ZNF609: variants seen among roughly 807,000 people sequenced by gnomAD.
ZNF609 encodes zinc finger protein 609.
ZNF609 carries 11 observed loss-of-function variants against 109.5 expected under a neutral mutation model. That is an observed-to-expected ratio of 0.10 (90% CI 0.06 to 0.17). The LOEUF (loss-of-function observed/expected upper bound fraction) is 0.17, where lower values mean the gene tolerates loss of function less well. Among genes scored for constraint, ZNF609 ranks in the 10% least tolerant of loss-of-function variants. The probability of loss-of-function intolerance (pLI) is 1.00; values close to 1 mark genes in which losing one functional copy is unlikely to be tolerated. For synonymous variants in ZNF609, 646 were observed against 662.0 expected (o/e 0.98, Z 0.37); for missense variants, 1,559 against 1,772.4 (o/e 0.88, Z 2.16).
At chr15:64,540,402 T>C (rs1007731630) in intron 2 of ZNF609, among the ~76,000 whole-genome samples, 1 of 152,074 alleles carries the variant, frequency 6.6e-6, no homozygotes, top group East Asian at 1.9e-4. Flanking sequence ...TGTGTTTTGT[T>C]TTTTATTTTT....
intron 3 of ZNF609, among the ~76,000 whole-genome samples, chr15:64,667,731 A>G (rs1896670616): frequency 6.6e-6 from 1 of 152,154 alleles, no homozygotes; most frequent in Non-Finnish European, 1.5e-5. Context: ...AAGAAAAAGA[A>G]AAAGAAACAC....
intron 2 of ZNF609, among the ~76,000 whole-genome samples, chr15:64,583,785 G>T (rs1438399433): frequency 6.6e-6 from 1 of 152,108 alleles, no homozygotes; most frequent in Non-Finnish European, 1.5e-5. Context: ...ATGATCTAGA[G>T]CTCTGATTGT....
At position 64,609,062 on chromosome 15, in the gene ZNF609, ATTTT is replaced by A. The variant is rs3057836; in HGVS notation, c.748-13763_748-13760del. 5.5e-3 allele frequency among the ~76,000 whole-genome samples: 588 copies of A among 106,058 alleles called. 4 individuals carry two copies. Among genetic ancestry groups the A allele is most frequent in the Non-Finnish European group, 6.3e-3 (307 of 48,350 alleles). 69.6% of individuals were successfully genotyped at this position (106,058 alleles called of 152,430 possible). ...CTGTTACTTGCATGTTTTAGTTTTA[ATTTT>A]TCTTTCTTTCTTTCTTTCTTTCTTT... is the stretch of plus-strand genomic sequence containing the variant. On this transcript the variant is annotated intron_variant, in intron 2 of 9. Transcript: ENST00000326648.
intron 6 of ZNF609, 85 bp downstream of exon 6, chr15:64,678,567 C>A: frequency 6.6e-7 from 1 of 1,506,540 alleles, no homozygotes. Flanking sequence ...TCTTGCTCAG[C>A]CCCAAGGCAT....
intron 2 of ZNF609, among the ~76,000 whole-genome samples, chr15:64,541,565 G>C (rs1894263122): frequency 6.6e-6 from 1 of 151,984 alleles, no homozygotes; most frequent in South Asian, 2.1e-4. Flanking sequence ...ATTCCGCCGG[G>C]TGCCGTGGCT....
At chr15:64,542,215 A>G (rs1330573944) in intron 2 of ZNF609, among the ~76,000 whole-genome samples, 1 of 152,202 alleles carries the variant, frequency 6.6e-6, no homozygotes, top group East Asian at 1.9e-4. Flanking sequence ...TGTGAGAGTA[A>G]GGAAGCTTAG....
At chr15:64,605,712 G>A (rs1895582667) in intron 2 of ZNF609, among the ~76,000 whole-genome samples, 1 of 149,678 alleles carries the variant, frequency 6.7e-6, no homozygotes, top group East Asian at 1.9e-4. Context: ...TAATAGAGCT[G>A]AGATTTTTTT....
intron 2 of ZNF609, among the ~76,000 whole-genome samples, chr15:64,547,808 A>C (rs966593804): frequency 2.0e-5 from 3 of 152,206 alleles, no homozygotes; most frequent in Non-Finnish European, 4.4e-5. Flanking sequence ...GGAATACATA[A>C]TAAATATTAA....
intron 3 of ZNF609, among the ~76,000 whole-genome samples, chr15:64,665,262 A>C (rs534994024): frequency 1.3e-5 from 2 of 152,306 alleles, no homozygotes; most frequent in Non-Finnish European, 2.9e-5. Context: ...TTCTAAGAAA[A>C]TTGTGTGAAA....
chr15:64,627,663 C>CTT (rs35293725), intron 3 of ZNF609, among the ~76,000 whole-genome samples: 40,361 of 86,114 alleles, frequency 0.47, 10,684 homozygotes, highest in East Asian at 0.7. Context: ...TTTTTTCTTT[C>CTT]TTTTTTTTTT....
rs571519231 is a variant in ZNF609, at chr15:64,665,879, C to T, written c.974-4467C>T. ...CAAGATCACGCCATTGCACTCCAGTCTAGGCAACAAGAGCAAAACTCCATC... is the reference window on the plus strand; with the variant it reads ...CAAGATCACGCCATTGCACTCCAGTTTAGGCAACAAGAGCAAAACTCCATC... On this transcript the variant is annotated intron_variant, in intron 3 of 9. Coordinates refer to ENST00000326648, the MANE Select transcript of ZNF609 (RefSeq NM_015042.2). Among the ~76,000 whole-genome samples, 3 of 150,770 alleles carry T rather than the reference C, an allele frequency of 2.0e-5. No homozygotes were observed. The South Asian group carries it at 6.3e-4, about 32-fold the overall frequency.
chr15:64,653,535 A>G (rs998836609), intron 3 of ZNF609, among the ~76,000 whole-genome samples: 1 of 152,206 alleles, frequency 6.6e-6, no homozygotes. Context: ...AGTCCCAGCT[A>G]CTTGGGAGGC....
intron 3 of ZNF609, among the ~76,000 whole-genome samples, chr15:64,652,083 A>C (rs1896425309): frequency 6.6e-6 from 1 of 152,134 alleles, no homozygotes; most frequent in South Asian, 2.1e-4. Flanking sequence ...TCTGTCACCC[A>C]AGCTGGAGTG....
chr15:64,469,111 A>G (rs1286224612), intron 1 of ZNF609, among the ~76,000 whole-genome samples: 3 of 150,890 alleles, frequency 2.0e-5, no homozygotes, highest in African/African-American at 7.3e-5. Context: ...TAAAAGTACA[A>G]AATTAGCCGT....
At chr15:64,581,448 C>T (rs183455848) in intron 2 of ZNF609, among the ~76,000 whole-genome samples, 1 of 152,156 alleles carries the variant, frequency 6.6e-6, no homozygotes, top group East Asian at 1.9e-4. Flanking sequence ...CAGGCAGCCA[C>T]AAAGTTAAGC....
chr15:64,665,973 G>A (rs1308572905), intron 3 of ZNF609, among the ~76,000 whole-genome samples: 1 of 151,654 alleles, frequency 6.6e-6, no homozygotes, highest in Non-Finnish European at 1.5e-5. Flanking sequence ...TACTCAGGAG[G>A]CTGAGGCAGG....
chr15:64,529,512 A>G lies in ZNF609; in HGVS notation c.747+29346A>G, dbSNP rs1302891661. 2.6e-5 allele frequency: 30 copies of G among 1,141,490 alleles called. No individual in the cohort carries two copies. In the South Asian group the frequency reaches 2.9e-4, roughly 11 times the overall value. The allele number at this position is 1,141,490 out of a possible 1,614,324, so 70.7% of individuals were successfully genotyped here. ...CCTTGACGGTGCCATGGAATTTGCCATGTGTAGAATCATACAGGAACATGT... is the reference window on the plus strand; with the variant it reads ...CCTTGACGGTGCCATGGAATTTGCCGTGTGTAGAATCATACAGGAACATGT... On this transcript the variant is annotated intron_variant, in intron 2 of 9. Transcript: ENST00000326648.
intron 2 of ZNF609, among the ~76,000 whole-genome samples, chr15:64,510,759 T>C (rs187438395): frequency 6.6e-6 from 1 of 152,282 alleles, no homozygotes; most frequent in East Asian, 1.9e-4. Context: ...ATGTTTGTTG[T>C]CCATTGGGAT....
Position 64,466,008 on chromosome 15 carries a change from C to A in ZNF609, c.-128+5170C>A, listed in dbSNP as rs183057500. On this transcript the variant is annotated intron_variant, in intron 1 of 9. Coordinates refer to ENST00000326648, the MANE Select transcript of ZNF609 (RefSeq NM_015042.2). ...GTGCACTCCTGTAATTCCAGCTACT[C>A]GGGAGGCTGAGGCAGGAGAATCGCT... 2.1e-5 allele frequency among the ~76,000 whole-genome samples: 3 copies of A among 146,260 alleles called. No individual in the cohort carries two copies. In the South Asian group the frequency reaches 6.6e-4, roughly 32 times the overall value.
Sources: gnomAD v4.1 joint callset for allele counts (sites outside exome capture counted in the v4.1 genomes callset) on GRCh38, gnomAD v4.1.1 for gene constraint, MANE v1.5 for transcripts, NCBI Gene and HGNC (gene_info 2026-07-23, HGNC 2026-07-21) for gene names.